The following NOL10 variants were observed in gnomAD, a reference collection of about 807,000 sequenced individuals.
NOL10 encodes the protein H_NH0074G24.1.
Under a neutral mutation model 103.5 loss-of-function variants are expected in NOL10, and 58 were observed. The observed-to-expected ratio is 0.56, with a 90% CI of 0.45 to 0.70. The LOEUF is 0.70. NOL10 is among the 30% of genes least tolerant of loss of function. The pLI, the probability that NOL10 is intolerant of heterozygous loss-of-function variation, is 0.00. For missense variants in NOL10, 763 were observed against 807.3 expected (o/e 0.95, Z 0.67); for synonymous variants, 287 against 282.5 (o/e 1.02, Z -0.16).
chr2:10,686,432 C>A (rs1001606819), intron 1 of NOL10, among the ~76,000 whole-genome samples: 3 of 152,022 alleles, frequency 2.0e-5, no homozygotes, highest in African/African-American at 7.2e-5. Context: ...GAGAGGAGGG[C>A]AGGAAGGCAC....
intron 16 of NOL10, among the ~76,000 whole-genome samples, chr2:10,601,981 C>G (rs1413975443): frequency 1.3e-5 from 2 of 152,234 alleles, no homozygotes; most frequent in African/African-American, 4.8e-5. Flanking sequence ...GGGGCGGCTG[C>G]AGACAGACTG....
chr2:10,659,055 TG>T, intron 10 of NOL10, 116 bp downstream of exon 10: 1 of 719,458 alleles, frequency 1.4e-6, no homozygotes, highest in Non-Finnish European at 2.4e-6. Context: ...GAATACCCTC[TG>T]GTCTGGCTAA....
intron 1 of NOL10, 40 bp downstream of exon 1, chr2:10,689,756 C>G (rs933477626): frequency 6.4e-7 from 1 of 1,569,004 alleles, no homozygotes; most frequent in South Asian, 1.2e-5. Context: ...GAGGACGACC[C>G]CCAAGAGCTC....
chr2:10,673,534 CA>C lies in NOL10; in HGVS notation c.312del (p.Asp105MetfsTer57). The C allele has an allele frequency of 1.3e-6, 2 of 1,597,600 alleles. No individual in the cohort carries two copies. The highest frequency in any genetic ancestry group is 8.5e-7 in the Non-Finnish European group (1 of 1,170,978). On this transcript the variant is annotated frameshift_variant, in exon 5 of 21. Coordinates refer to ENST00000381685, the MANE Select transcript of NOL10 (RefSeq NM_024894.4). LOFTEE classifies it high-confidence loss of function. ...DSEVVTFEIL[S>X]DDYSKIVFLH... ...ATAAAACATACCTTTGAGTAGTCAT[CA>C]GACAAAATTTCAAAGGTGACAACTG...
chr2:10,630,683 C>T (rs531154398), intron 13 of NOL10, among the ~76,000 whole-genome samples: 1 of 152,212 alleles, frequency 6.6e-6, no homozygotes, highest in Non-Finnish European at 1.5e-5. Context: ...CCACTGCCCT[C>T]CAGCCTGGGC....
At chr2:10,575,330 A>T (rs567389130) in intron 20 of NOL10, among the ~76,000 whole-genome samples, 76 of 152,360 alleles carry the variant, frequency 5.0e-4, no homozygotes, top group Middle Eastern at 6.8e-3. Context: ...AAAACTCAAG[A>T]TTCTACCTGA....
At chr2:10,615,897 G>A (rs770620828) in intron 13 of NOL10, among the ~76,000 whole-genome samples, 3 of 152,160 alleles carry the variant, frequency 2.0e-5, no homozygotes, top group Non-Finnish European at 4.4e-5. Context: ...CCCTATGTGC[G>A]GGGTGGGTGG....
chr2:10,609,385 A>G (rs1162990524), intron 13 of NOL10, among the ~76,000 whole-genome samples: 1 of 148,620 alleles, frequency 6.7e-6, no homozygotes, highest in East Asian at 2.0e-4. Flanking sequence ...CAGGAGATTG[A>G]GACCATCCTG....
chr2:10,602,321 C>T (rs559587001), intron 16 of NOL10, among the ~76,000 whole-genome samples: 295 of 152,334 alleles, frequency 1.9e-3, no homozygotes, highest in South Asian at 4.8e-3. Context: ...TTCTCCAATA[C>T]CAAGTTAATC....
At chr2:10,652,441 T>A (rs1045171336) in intron 12 of NOL10, among the ~76,000 whole-genome samples, 5 of 151,932 alleles carry the variant, frequency 3.3e-5, no homozygotes, top group Non-Finnish European at 7.4e-5. Context: ...GACCACTGAC[T>A]ACACAGTTAT....
chr2:10,596,451 C>T (rs1161524041), intron 17 of NOL10, among the ~76,000 whole-genome samples: 1 of 152,090 alleles, frequency 6.6e-6, no homozygotes, highest in Non-Finnish European at 1.5e-5. Flanking sequence ...TAATGAGAGA[C>T]AGTGACAGAT....
In NOL10 at chr2:10,689,849, T is replaced by C; in HGVS notation, c.13A>G (p.Ser5Gly). 1 of 1,607,102 alleles carries C rather than the reference T, an allele frequency of 6.2e-7. No homozygotes were observed. MQVS[S>G]LNEVKIYSLS... ...CTGTAAATCTTCACCTCATTGAGGCTGGAGACCTGCATGGCGCCGCACAAC... is the reference window on the plus strand; with the variant it reads ...CTGTAAATCTTCACCTCATTGAGGCCGGAGACCTGCATGGCGCCGCACAAC... The change falls in exon 1 of 21, where the codon AGC becomes GGC. Residue 5 changes from serine (S) to glycine (G), a missense_variant. Transcript: ENST00000381685.
chr2:10,602,953 T>G, intron 15 of NOL10, 79 bp from the exon 16 acceptor site: 1 of 1,257,798 alleles, frequency 8.0e-7, no homozygotes, highest in Non-Finnish European at 1.1e-6. Flanking sequence ...ACGACAGTTA[T>G]GCCAAAGAAC....
At chr2:10,672,358 T>A (rs1471800758) in intron 5 of NOL10, among the ~76,000 whole-genome samples, 1 of 151,816 alleles carries the variant, frequency 6.6e-6, no homozygotes, top group African/African-American at 2.4e-5. Context: ...ATAATAATAA[T>A]CCCACCATTA....
intron 10 of NOL10, 60 bp from the exon 11 acceptor site, chr2:10,657,951 TC>T (rs1679956200): frequency 7.6e-6 from 10 of 1,313,454 alleles, no homozygotes; most frequent in Non-Finnish European, 1.0e-5. Flanking sequence ...AGGAAATATT[TC>T]TAAGTGAGAA....
At chr2:10,578,088 T>C (rs969809491) in intron 19 of NOL10, among the ~76,000 whole-genome samples, 64 of 152,328 alleles carry the variant, frequency 4.2e-4, no homozygotes, top group African/African-American at 1.5e-3. Context: ...TAATTGATCA[T>C]AATGGTCAAT....
Position 10,689,836 on chromosome 2 carries a change from A to T in NOL10, c.26T>A (p.Val9Glu), listed in dbSNP as rs1338632034. The change falls in exon 1 of 21, where the codon GTG (valine) becomes GAG (glutamate). Residue 9 changes from valine (V) to glutamate (E), a missense_variant. Physicochemically the swap from Val to Glu is moderately radical, Grantham distance 121. Transcript: ENST00000381685. ...GCCGCAGCTGAGGCTGTAAATCTTC[A>T]CCTCATTGAGGCTGGAGACCTGCAT... Reference protein sequence around the residue: MQVSSLNEVKIYSLSCGKS... With the variant: MQVSSLNEEKIYSLSCGKS... 1 of 1,607,776 alleles carries T rather than the reference A, an allele frequency of 6.2e-7. No individual in the cohort carries two copies. The highest frequency in any genetic ancestry group is 2.2e-5 in the East Asian group (1 of 44,618).
intron 19 of NOL10, 25 bp downstream of exon 19, chr2:10,589,018 T>TGTAACCAA (rs1558272320): frequency 6.2e-7 from 1 of 1,611,236 alleles, no homozygotes; most frequent in South Asian, 1.1e-5. Context: ...ACATGTCAAC[T>TGTAACCAA]GTGCGCTCAG....
At position 10,571,938 on chromosome 2, in the gene NOL10, C is replaced by T; in HGVS notation, c.*133G>A. ...ACCCACAAGGCACAGGTTTTCAAAT[C>T]TTTACCTCTGTGTACAAGAACGTAC... is the stretch of plus-strand genomic sequence containing the variant. On this transcript the variant is annotated 3_prime_UTR_variant, in exon 21 of 21. Coordinates refer to ENST00000381685, the MANE Select transcript of NOL10 (RefSeq NM_024894.4). 8.9e-7 allele frequency: 1 copy of T among 1,121,468 alleles called. No individual in the cohort carries two copies. The highest frequency in any genetic ancestry group is 1.3e-6 in the Non-Finnish European group (1 of 791,370). 69.5% of individuals were successfully genotyped at this position (1,121,468 alleles called of 1,614,324 possible). A position where few individuals can be genotyped will look rare whatever the true frequency, so the allele number is the denominator to read the frequency against.
Sources: allele counts gnomAD v4.1 joint callset (sites outside exome capture counted in the v4.1 genomes callset), GRCh38; gene constraint gnomAD v4.1.1; transcripts MANE v1.5; gene names NCBI Gene and HGNC (gene_info 2026-07-23, HGNC 2026-07-21).